Variants in TASP1 observed in about 807,000 individuals in gnomAD.
The protein encoded by TASP1 is taspase 1.
TASP1 carries 16 observed loss-of-function variants against 56.6 expected under a neutral mutation model. The ratio of observed to expected loss-of-function variants is 0.28; its 90% CI spans 0.19 to 0.43. TASP1 has a LOEUF of 0.43. TASP1 is among the 20% of genes least tolerant of loss of function. TASP1 has a pLI of 1.00. For synonymous variants in TASP1, 179 were observed against 184.2 expected (o/e 0.97, Z 0.23); for missense variants, 393 against 511.6 (o/e 0.77, Z 2.24).
the TASP1 span, among the ~76,000 whole-genome samples, chr20:13,373,289 TAAGAC>T: frequency 6.6e-6 from 1 of 152,206 alleles, no homozygotes; most frequent in South Asian, 2.1e-4. Flanking sequence ...TAAAATTAAT[TAAGAC>T]AAGAAAGAAA....
At chr20:13,409,931 A>G (rs1276707523) in intron 13 of TASP1, among the ~76,000 whole-genome samples, 1 of 152,166 alleles carries the variant, frequency 6.6e-6, no homozygotes. Flanking sequence ...CATACTTTCT[A>G]TCTAACTGTA....
intron 4 of TASP1, among the ~76,000 whole-genome samples, chr20:13,591,055 AAAG>A (rs755626794): frequency 6.6e-6 from 1 of 151,918 alleles, no homozygotes; most frequent in Non-Finnish European, 1.5e-5. Flanking sequence ...AGAAAAGGAA[AAAG>A]AAGAAAAAGA....
At chr20:13,512,232 A>C (rs1485306759) in intron 10 of TASP1, among the ~76,000 whole-genome samples, 1 of 152,086 alleles carries the variant, frequency 6.6e-6, no homozygotes, top group Middle Eastern at 3.2e-3. Context: ...ACAGTGTAAA[A>C]GTGTTCCTAT....
chr20:13,390,164 A>T lies in TASP1; in HGVS notation c.*196T>A. 1 of 553,496 alleles carries T rather than the reference A, an allele frequency of 1.8e-6. No homozygotes were observed. The highest frequency in any genetic ancestry group is 3.1e-5 in the East Asian group (1 of 32,186). The allele number at this position is 553,496 out of a possible 1,614,324, so 34.3% of individuals were successfully genotyped here. ...TGCGCACATACGCGCACACACTCAC[A>T]CACAGTCCCGCTCACCCACCAAAGG... is the stretch of plus-strand genomic sequence containing the variant. On this transcript the variant is annotated 3_prime_UTR_variant, in exon 14 of 14. Transcript: ENST00000337743.
chr20:13,393,068 T>C (rs773202912), intron 13 of TASP1: 12 of 598,824 alleles, frequency 2.0e-5, no homozygotes, highest in Non-Finnish European at 6.2e-6. Flanking sequence ...CCCATGTTTA[T>C]ATAGGCATGA....
Position 13,466,605 on chromosome 20 carries a change from G to C in TASP1, c.985+16622C>G, listed in dbSNP as rs535682661. On this transcript the variant is annotated intron_variant, in intron 11 of 13. Coordinates refer to ENST00000337743, the MANE Select transcript of TASP1 (RefSeq NM_017714.3). ...ACTAAAAATACATTAGCCAGGCGTG[G>C]TGGCATGCGCCTGTAATCCCAGCCA... Among the ~76,000 whole-genome samples, 21 of 152,284 alleles carry C rather than the reference G, an allele frequency of 1.4e-4. No individual in the cohort carries two copies. In the East Asian group the frequency reaches 3.9e-3, roughly 28 times the overall value.
the TASP1 span, among the ~76,000 whole-genome samples, chr20:13,328,701 A>T: frequency 1.3e-5 from 2 of 151,822 alleles, no homozygotes; most frequent in South Asian, 4.2e-4. Flanking sequence ...AAACTAACAC[A>T]GGAACAGATA....
chr20:13,444,479 C>T (rs760875431), intron 11 of TASP1, among the ~76,000 whole-genome samples: 2 of 152,070 alleles, frequency 1.3e-5, no homozygotes, highest in Non-Finnish European at 1.5e-5. Context: ...GTCAGGTGAG[C>T]GAGAAAATAC....
At chr20:13,560,471 C>T (rs1332171477) in intron 7 of TASP1, among the ~76,000 whole-genome samples, 1 of 152,088 alleles carries the variant, frequency 6.6e-6, no homozygotes, top group African/African-American at 2.4e-5. Flanking sequence ...GAGACATTCC[C>T]CACAATAAAC....
chr20:13,243,324 C>G, the TASP1 span, among the ~76,000 whole-genome samples: 1,800 of 152,256 alleles, frequency 0.012, 44 homozygotes, highest in African/African-American at 0.041. Flanking sequence ...TTAGCAGTCC[C>G]AGCTCAGAAG....
the TASP1 span, among the ~76,000 whole-genome samples, chr20:13,112,612 AC>A: frequency 6.6e-6 from 1 of 152,208 alleles, no homozygotes; most frequent in African/African-American, 2.4e-5. Context: ...CCTGGTGATG[AC>A]ACAGAGTGAA....
chr20:13,415,218 T>C (rs1374073571), intron 13 of TASP1, among the ~76,000 whole-genome samples: 1 of 152,184 alleles, frequency 6.6e-6, no homozygotes, highest in Non-Finnish European at 1.5e-5. Flanking sequence ...GTTCAACTAT[T>C]CTTTTATAGA....
chr20:13,241,795 C>G, the TASP1 span, among the ~76,000 whole-genome samples: 1 of 152,066 alleles, frequency 6.6e-6, no homozygotes, highest in African/African-American at 2.4e-5. Context: ...TAAAATAAAG[C>G]AAGTTTGTCA....
At position 13,625,208 on chromosome 20, in the gene TASP1, C is replaced by T. The variant is rs745524226; in HGVS notation, c.190G>A (p.Val64Ile). 4 of 1,611,060 alleles carry T rather than the reference C, an allele frequency of 2.5e-6. No individual in the cohort carries two copies. The highest frequency in any genetic ancestry group is 3.4e-6 in the Non-Finnish European group (4 of 1,178,938). Residue 64 changes from valine to isoleucine, a missense_variant, in exon 3 of 14, where the codon GTA becomes ATA. This residue lies in a region of TASP1 where 48 missense variants were observed against 106.2 expected (regional missense o/e 0.45). Coordinates refer to ENST00000337743, the MANE Select transcript of TASP1 (RefSeq NM_017714.3). ...SESKAKEYKH[V>I]CKRACQKAIE... ...ACCTTCTGACAAGCTCGTTTGCATA[C>T]ATGTTTATACTCCTTGGCTTTGGAT...
chr20:13,629,952 A>G lies in TASP1; in HGVS notation c.127T>C (p.Phe43Leu), dbSNP rs1323321279. Reference protein sequence around the residue: ...KQSYKEKRGGFVLVHAGAGYH... With the variant: ...KQSYKEKRGGLVLVHAGAGYH... The stretch of plus-strand genomic sequence containing the variant: ...AGCTTACCTGCATGCACCAACACAA[A>G]GCCTCCTCGTTTCTCTTTATAGGAC... Residue 43 changes from phenylalanine to leucine, a missense_variant, in exon 2 of 14, where the codon TTT becomes CTT. Phe to Leu is a conservative substitution (Grantham distance 22, BLOSUM62 0). Around this residue, in one of 3 missense-constraint regions of TASP1, gnomAD observed 52 missense variants for 51.1 expected, o/e 1.02. Transcript: ENST00000337743. 3 of 1,613,550 alleles carry G rather than the reference A, an allele frequency of 1.9e-6. No individual in the cohort carries two copies. The highest frequency in any genetic ancestry group is 2.5e-6 in the Non-Finnish European group (3 of 1,179,812).
intron 13 of TASP1, among the ~76,000 whole-genome samples, chr20:13,417,148 C>T (rs12480276): frequency 0.063 from 9,657 of 152,246 alleles, 454 homozygotes; most frequent in African/African-American, 0.13. Context: ...TCTTCCCAAA[C>T]CCCAGTTTCC....
At chr20:13,402,359 G>A (rs1416545906) in intron 13 of TASP1, among the ~76,000 whole-genome samples, 3 of 152,194 alleles carry the variant, frequency 2.0e-5, no homozygotes. Context: ...TCCTGTTTGT[G>A]CAAATGACTT....
At chr20:13,331,637 G>A in the TASP1 span, among the ~76,000 whole-genome samples, 1 of 149,710 alleles carries the variant, frequency 6.7e-6, no homozygotes, top group East Asian at 1.9e-4. Context: ...GCTAGTTAGA[G>A]GTGTTACTGT....
the TASP1 span, among the ~76,000 whole-genome samples, chr20:13,370,574 A>C: frequency 5.9e-5 from 9 of 152,304 alleles, no homozygotes; most frequent in African/African-American, 2.2e-4. Context: ...TTTTAAAATG[A>C]CATTTATAAT....
Sources: allele counts gnomAD v4.1 joint callset (sites outside exome capture counted in the v4.1 genomes callset), GRCh38; gene constraint gnomAD v4.1.1; regional missense constraint gnomAD v4.1.1; transcripts MANE v1.5; gene names NCBI Gene and HGNC (gene_info 2026-07-23, HGNC 2026-07-21).